Variants in MSRA observed in about 807,000 individuals in gnomAD.
MSRA encodes mitochondrial peptide methionine sulfoxide reductase.
In MSRA, 54 loss-of-function variants were observed where a neutral mutation model predicts 31.3. The observed-to-expected ratio is 1.73, with a 90% CI of 1.39 to 2.17. The LOEUF (loss-of-function observed/expected upper bound fraction) is 2.17, where lower values mean the gene tolerates loss of function less well. MSRA is among the 30% of genes most tolerant of loss of function. The pLI is 0.00. For missense variants in MSRA, 507 were observed against 300.9 expected (o/e 1.69, Z -5.07); for synonymous variants, 169 against 116.5 (o/e 1.45, Z -2.90).
chr8:10,099,005 A>G (rs1483852375), intron 1 of MSRA, among the ~76,000 whole-genome samples: 7 of 152,222 alleles, frequency 4.6e-5, no homozygotes, highest in Non-Finnish European at 1.0e-4. Flanking sequence ...TGAGGCCAGC[A>G]TGGCCCTTTG....
At chr8:10,073,679 C>A (rs918804031) in intron 1 of MSRA, among the ~76,000 whole-genome samples, 22 of 151,994 alleles carry the variant, frequency 1.4e-4, no homozygotes, top group African/African-American at 5.3e-4. Context: ...CTGCGGCCAG[C>A]CTCAGAAGAA....
In MSRA at chr8:10,164,759, A is replaced by G. The variant is rs886232395; in HGVS notation, c.143-43074A>G. 9.8e-5 allele frequency among the ~76,000 whole-genome samples: 15 copies of G among 152,336 alleles called. No individual in the cohort carries two copies. The South Asian group carries it at 1.5e-3, about 15-fold the overall frequency. On this transcript the variant is annotated intron_variant, in intron 1 of 5. Coordinates refer to ENST00000317173, the MANE Select transcript of MSRA (RefSeq NM_012331.5). ...GCTGCACTTAAAAATCACCTGAGCC[A>G]GTGGCTCAAGCCTGTAATCCCAGCA...
At chr8:10,099,766 A>T (rs1318165133) in intron 1 of MSRA, among the ~76,000 whole-genome samples, 1 of 152,208 alleles carries the variant, frequency 6.6e-6, no homozygotes. Flanking sequence ...TGCGGTGGCC[A>T]TTGGAGATGA....
At chr8:10,094,340 G>A (rs539383767) in intron 1 of MSRA, among the ~76,000 whole-genome samples, 4 of 152,216 alleles carry the variant, frequency 2.6e-5, no homozygotes, top group Non-Finnish European at 5.9e-5. Flanking sequence ...ATGGAAGGCT[G>A]TATGCAAGAC....
chr8:10,360,789 C>A (rs1030701557), intron 5 of MSRA, among the ~76,000 whole-genome samples: 1 of 152,182 alleles, frequency 6.6e-6, no homozygotes, highest in Admixed American at 6.5e-5. Flanking sequence ...GAGGAGTCCA[C>A]CCTCTAGTGG....
chr8:10,422,878 G>A (rs554006453), intron 5 of MSRA, among the ~76,000 whole-genome samples: 5 of 152,280 alleles, frequency 3.3e-5, no homozygotes, highest in East Asian at 1.9e-4. Flanking sequence ...AGGCAAGTCC[G>A]TCATGACCTG....
rs796247869 is a variant in MSRA, at chr8:10,139,886, T to A, written c.143-67947T>A. Among the ~76,000 whole-genome samples, 36 of 152,356 alleles carry A rather than the reference T, an allele frequency of 2.4e-4. 1 individual carries two copies. The highest frequency in any genetic ancestry group is 8.7e-4 in the African/African-American group (36 of 41,584). ...AGAAGGATTGTTTTCCTCAGTGTTG[T>A]GTGTAAAGTGCCCATATTTTATTTG... On this transcript the variant is annotated intron_variant, in intron 1 of 5. Transcript: ENST00000317173.
chr8:10,371,391 C>T (rs951245822), intron 5 of MSRA, among the ~76,000 whole-genome samples: 3 of 152,184 alleles, frequency 2.0e-5, no homozygotes, highest in East Asian at 1.9e-4. Flanking sequence ...CGCCTCGTTC[C>T]GTAGCTTCCC....
At chr8:10,277,313 G>C (rs374935657) in intron 3 of MSRA, among the ~76,000 whole-genome samples, 6 of 152,244 alleles carry the variant, frequency 3.9e-5, no homozygotes, top group African/African-American at 1.4e-4. Context: ...TATTATCAGA[G>C]CCAAAGAACA....
At chr8:10,344,250 A>C (rs1803627414) in intron 5 of MSRA, among the ~76,000 whole-genome samples, 1 of 152,070 alleles carries the variant, frequency 6.6e-6, no homozygotes, top group Non-Finnish European at 1.5e-5. Flanking sequence ...CTGTACGGTG[A>C]TCTCTCAGCA....
intron 1 of MSRA, among the ~76,000 whole-genome samples, chr8:10,060,905 T>C (rs1027030624): frequency 6.6e-6 from 1 of 152,214 alleles, no homozygotes; most frequent in Non-Finnish European, 1.5e-5. Context: ...GTGTATTTCT[T>C]GTATTGTGAG....
chr8:10,153,745 T>G (rs756624510), intron 1 of MSRA, among the ~76,000 whole-genome samples: 5 of 152,174 alleles, frequency 3.3e-5, no homozygotes, highest in Non-Finnish European at 7.3e-5. Context: ...CGCTATCACG[T>G]TAAGAAATAT....
At chr8:10,345,487 C>T (rs1803712624) in intron 5 of MSRA, among the ~76,000 whole-genome samples, 1 of 152,182 alleles carries the variant, frequency 6.6e-6, no homozygotes, top group Non-Finnish European at 1.5e-5. Context: ...CTGACTTCAG[C>T]ACACACATAC....
intron 5 of MSRA, among the ~76,000 whole-genome samples, chr8:10,402,367 C>T (rs185113238): frequency 3.3e-5 from 5 of 152,394 alleles, no homozygotes; most frequent in South Asian, 4.1e-4. Flanking sequence ...TGATGCTGAA[C>T]GCCAAATGTG....
At chr8:10,155,033 C>T (rs1804033997) in intron 1 of MSRA, among the ~76,000 whole-genome samples, 1 of 119,672 alleles carries the variant, frequency 8.4e-6, no homozygotes, top group Admixed American at 8.5e-5. Flanking sequence ...CTTGCATTCG[C>T]ATTTTAAGAG....
intron 3 of MSRA, among the ~76,000 whole-genome samples, chr8:10,267,604 T>C (rs1455197036): frequency 6.6e-6 from 1 of 152,146 alleles, no homozygotes; most frequent in Non-Finnish European, 1.5e-5. Flanking sequence ...ATTGTGCTTC[T>C]AGCCCAGAAG....
chr8:10,405,687 T>A (rs1019419652), intron 5 of MSRA, among the ~76,000 whole-genome samples: 1 of 152,140 alleles, frequency 6.6e-6, no homozygotes, highest in African/African-American at 2.4e-5. Flanking sequence ...GAGATGACCT[T>A]GGAGGAAGAA....
intron 4 of MSRA, among the ~76,000 whole-genome samples, chr8:10,318,340 C>T (rs558635137): frequency 2.6e-5 from 4 of 152,126 alleles, no homozygotes; most frequent in African/African-American, 7.2e-5. Flanking sequence ...GCAAAGACCT[C>T]GCACAGGGAA....
chr8:10,128,076 C>G (rs1027940919), intron 1 of MSRA, among the ~76,000 whole-genome samples: 1 of 151,944 alleles, frequency 6.6e-6, no homozygotes. Flanking sequence ...TTCAAGAGAC[C>G]TTTAAAAAGT....
Sources: allele counts gnomAD v4.1 joint callset (sites outside exome capture counted in the v4.1 genomes callset), GRCh38; gene constraint gnomAD v4.1.1; transcripts MANE v1.5; gene names NCBI Gene and HGNC (gene_info 2026-07-23, HGNC 2026-07-21).